VPS13D: variants seen among roughly 807,000 people sequenced by gnomAD.
VPS13D encodes the protein vacuolar protein sorting 13 homolog D, also known as intermembrane lipid transfer protein VPS13D.
VPS13D carries 187 observed loss-of-function variants against 461.9 expected under a neutral mutation model. The observed-to-expected ratio is 0.40, with a 90% CI of 0.36 to 0.46. The LOEUF is 0.46. Among genes scored for constraint, VPS13D ranks in the 20% least tolerant of loss-of-function variants. The probability of loss-of-function intolerance (pLI) is 0.60; values close to 1 mark genes in which losing one functional copy is unlikely to be tolerated. For missense variants in VPS13D, 4,711 were observed against 5,364.9 expected (o/e 0.88, Z 3.81); for synonymous variants, 1,951 against 1,986.3 (o/e 0.98, Z 0.47).
intron 21 of VPS13D, 104 bp from the exon 22 acceptor site, chr1:12,288,119 T>G (rs1234127742): frequency 1.0e-6 from 1 of 985,034 alleles, no homozygotes; most frequent in East Asian, 2.4e-5. Context: ...TACCTTCAAG[T>G]TTCCCAAGCC....
chr1:12,274,455 G>A (rs1181481780), intron 18 of VPS13D, among the ~76,000 whole-genome samples: 2 of 152,112 alleles, frequency 1.3e-5, no homozygotes, highest in African/African-American at 2.4e-5. Flanking sequence ...GGGATTACAG[G>A]TGTGAGCCAC....
intron 67 of VPS13D, among the ~76,000 whole-genome samples, chr1:12,479,432 G>A (rs1426392628): frequency 6.6e-6 from 1 of 152,216 alleles, no homozygotes; most frequent in Admixed American, 6.5e-5. Context: ...CACCTGCTCG[G>A]GATGACAGTG....
chr1:12,494,123 G>C (rs1471382289), intron 67 of VPS13D, among the ~76,000 whole-genome samples: 2 of 152,202 alleles, frequency 1.3e-5, no homozygotes, highest in Admixed American at 6.5e-5. Flanking sequence ...GCCACAGTGA[G>C]CTCCCCTAGT....
chr1:12,311,605 T>A lies in VPS13D; in HGVS notation c.6802T>A (p.Leu2268Ile), dbSNP rs1025572555. ...AGAGGAATTTATGCGGCCTTATGAT[T>A]TACAAGATCCAAGAATTCATGTGAG... ...PIEEFMRPYD[L>I]QDPRIHTVLS... Residue 2268 changes from leucine (L) to isoleucine (I), a missense_variant, in exon 28 of 70, where the codon TTA becomes ATA. Leu to Ile is a conservative substitution (Grantham distance 5). Around this residue, in one of 3 missense-constraint regions of VPS13D, gnomAD observed 4,411 missense variants for 4,937.8 expected, o/e 0.89. Coordinates refer to ENST00000620676, the MANE Select transcript of VPS13D (RefSeq NM_015378.4). 6.2e-7 allele frequency: 1 copy of A among 1,614,114 alleles called. No individual in the cohort carries two copies.
At position 12,507,229 on chromosome 1, in the gene VPS13D, T is replaced by G. The variant is rs367914991; in HGVS notation, c.13035+136T>G. 245 of 1,487,828 alleles carry G rather than the reference T, an allele frequency of 1.6e-4. No individual in the cohort carries two copies. Among genetic ancestry groups the G allele is most frequent in the Non-Finnish European group, 2.2e-4 (236 of 1,076,406 alleles). 92.2% of individuals were successfully genotyped at this position (1,487,828 alleles called of 1,614,324 possible). Reference sequence around the variant, plus strand: ...CCTTCCCAGGAGTGCTGCCTCTCAGTCCTGAACATGGGAGGGGCCCAGGGT... The same window carrying G: ...CCTTCCCAGGAGTGCTGCCTCTCAGGCCTGAACATGGGAGGGGCCCAGGGT... On this transcript the variant is annotated intron_variant, in intron 69 of 69. Coordinates refer to ENST00000620676, the MANE Select transcript of VPS13D (RefSeq NM_015378.4). This position sits in a 1 kb window ranked among gnomAD's most constrained non-coding sequence, Gnocchi z 5.3.
intron 8 of VPS13D, among the ~76,000 whole-genome samples, 168 bp from the exon 9 acceptor site, chr1:12,256,819 G>A (rs1640939076): frequency 6.6e-6 from 1 of 152,006 alleles, no homozygotes; most frequent in Non-Finnish European, 1.5e-5. Flanking sequence ...AACTGTCAGG[G>A]TTCAGAGAAA....
intron 54 of VPS13D, among the ~76,000 whole-genome samples, chr1:12,371,858 G>T (rs1284125112): frequency 1.3e-5 from 2 of 152,106 alleles, no homozygotes; most frequent in African/African-American, 4.8e-5. Flanking sequence ...ATTTGTTTGA[G>T]TACTTGTTTT....
At chr1:12,417,580 G>A (rs1644810491) in intron 65 of VPS13D, among the ~76,000 whole-genome samples, 2 of 152,146 alleles carry the variant, frequency 1.3e-5, no homozygotes, top group Admixed American at 1.3e-4. Flanking sequence ...CTTATTTACT[G>A]TGGAGAGAGC....
intron 67 of VPS13D, chr1:12,465,231 G>A (rs1034542929): frequency 1.3e-5 from 2 of 152,204 alleles, no homozygotes. Flanking sequence ...GTTGCAGACT[G>A]GGGTGCATGA....
At chr1:12,244,752 C>A (rs1640493180) in intron 5 of VPS13D, 135 bp downstream of exon 5, 1 of 777,054 alleles carries the variant, frequency 1.3e-6, no homozygotes, top group Non-Finnish European at 2.1e-6. Flanking sequence ...CTGCTCAGGT[C>A]TGCCCTTTTG....
chr1:12,496,933 G>A (rs552290546), intron 67 of VPS13D, among the ~76,000 whole-genome samples: 142 of 152,152 alleles, frequency 9.3e-4, no homozygotes, highest in African/African-American at 3.2e-3. Context: ...TGATTACCAC[G>A]TCCCTCACCC....
At chr1:12,263,428 T>C (rs1410309296) in intron 13 of VPS13D, among the ~76,000 whole-genome samples, 1 of 152,184 alleles carries the variant, frequency 6.6e-6, no homozygotes, top group South Asian at 2.1e-4. Context: ...CAGAGTGCCA[T>C]GAGGATTAAT....
At chr1:12,501,583 T>C (rs896985333) in intron 68 of VPS13D, among the ~76,000 whole-genome samples, 1 of 152,228 alleles carries the variant, frequency 6.6e-6, no homozygotes, top group African/African-American at 2.4e-5. Flanking sequence ...CTGGCAAATT[T>C]CTTGCCTTAC....
chr1:12,253,594 TGA>T, intron 6 of VPS13D, 126 bp from the exon 7 acceptor site: 1 of 680,288 alleles, frequency 1.5e-6, no homozygotes, highest in Non-Finnish European at 2.5e-6. Context: ...ATGTTTTAAT[TGA>T]GTTATATGTC....
At chr1:12,462,452 G>C (rs146320334) in intron 67 of VPS13D, among the ~76,000 whole-genome samples, 1 of 152,366 alleles carries the variant, frequency 6.6e-6, no homozygotes, top group African/African-American at 2.4e-5. Context: ...CATTGTCTTT[G>C]TGCCTCCACG....
chr1:12,273,983 G>T lies in VPS13D; in HGVS notation c.2236+848G>T, dbSNP rs115083996. ...TTTAATTCTTTATTTACCTAGAAGT[G>T]GAGTTGCTGAGCCATGTGGTAACTC... On this transcript the variant is annotated intron_variant, in intron 18 of 69. Coordinates refer to ENST00000620676, the MANE Select transcript of VPS13D (RefSeq NM_015378.4). 5.3e-3 allele frequency among the ~76,000 whole-genome samples: 808 copies of T among 152,188 alleles called. 7 individuals carry two copies. The highest frequency in any genetic ancestry group is 0.018 in the African/African-American group (733 of 41,502).
chr1:12,459,197 G>A (rs1645370606), intron 66 of VPS13D, among the ~76,000 whole-genome samples: 1 of 152,162 alleles, frequency 6.6e-6, no homozygotes, highest in Non-Finnish European at 1.5e-5. Context: ...GTGCCAGAAA[G>A]CAAAATTTGA....
rs932487269 is a variant in VPS13D at position 12,499,959 on chromosome 1, C to T, written c.12794+2328C>T. 1.8e-5 allele frequency: 18 copies of T among 985,236 alleles called. 1 individual carries two copies. The highest frequency in any genetic ancestry group is 1.4e-4 in the South Asian group (3 of 21,290). 61.0% of individuals were successfully genotyped at this position (985,236 alleles called of 1,614,324 possible). Reference sequence around the variant, plus strand: ...ACATGTTTAAAGACCTAATTATTTGCGTATTTCCCTTCAGAGTTAACCCCT... The same window carrying T: ...ACATGTTTAAAGACCTAATTATTTGTGTATTTCCCTTCAGAGTTAACCCCT... On this transcript the variant is annotated intron_variant, in intron 68 of 69. Transcript: ENST00000620676.
In VPS13D at chr1:12,373,795, T is replaced by A; in HGVS notation, c.10854T>A (p.Ile3618=). ...TGRPVASNKA[I]TCAELVLDVS... ...GGCCTGTGGCTTCCAACAAGGCCATTACCTGTGCGGAGCTCGTTTTGGATG... is the reference window on the plus strand; with the variant it reads ...GGCCTGTGGCTTCCAACAAGGCCATAACCTGTGCGGAGCTCGTTTTGGATG... The change falls in exon 55 of 70, where the codon ATT becomes ATA. Residue 3618 remains isoleucine, a synonymous_variant. Coordinates refer to ENST00000620676, the MANE Select transcript of VPS13D (RefSeq NM_015378.4). 6.3e-7 allele frequency: 1 copy of A among 1,597,004 alleles called. No homozygotes were observed. The highest frequency in any genetic ancestry group is 8.5e-7 in the Non-Finnish European group (1 of 1,172,316).
Sources: gnomAD v4.1 joint callset for allele counts (sites outside exome capture counted in the v4.1 genomes callset) on GRCh38, gnomAD v4.1.1 for gene constraint, gnomAD v4.1.1 regional missense constraint, Gnocchi (gnomAD v3.1) non-coding constraint, MANE v1.5 for transcripts, NCBI Gene and HGNC (gene_info 2026-07-23, HGNC 2026-07-21) for gene names.